INTS4: variants seen among roughly 807,000 people sequenced by gnomAD.
INTS4 encodes MSTP093.
In INTS4, 70 loss-of-function variants were observed where a neutral mutation model predicts 119.5. That is an observed-to-expected ratio of 0.59 (90% CI 0.48 to 0.71). INTS4 has a LOEUF of 0.71. Ranked by LOEUF, INTS4 falls within the 30% of genes least tolerant of loss-of-function variation. The pLI, the probability that INTS4 is intolerant of heterozygous loss-of-function variation, is 0.00. For missense variants in INTS4, 867 were observed against 1,173.2 expected, an observed-to-expected ratio of 0.74 and a Z score of 3.81; for synonymous variants, 316 against 419.6, an observed-to-expected ratio of 0.75 and a Z score of 3.02.
Position 77,912,087 on chromosome 11 carries a change from C to T in INTS4, c.1923-4277G>A, listed in dbSNP as rs1311141810. Reference sequence around the variant, plus strand: ...TAATTTAAAACTAGATACGGCTAGGCGCGGTGGCTCACACCTGTAATCCTA... The same window carrying T: ...TAATTTAAAACTAGATACGGCTAGGTGCGGTGGCTCACACCTGTAATCCTA... On this transcript the variant is annotated intron_variant, in intron 15 of 22. Transcript: ENST00000534064. 3.3e-5 allele frequency among the ~76,000 whole-genome samples: 5 copies of T among 152,010 alleles called. No individual in the cohort carries two copies. The East Asian group carries it at 9.6e-4, about 29-fold the overall frequency.
chr11:77,910,911 C>G, intron 15 of INTS4: 1 of 882,922 alleles, frequency 1.1e-6, no homozygotes, highest in Non-Finnish European at 1.6e-6. Context: ...TAGAAAGCTG[C>G]CTCATTACTT....
chr11:77,903,762 C>T (rs946272141), intron 16 of INTS4, 142 bp from the exon 17 acceptor site: 1 of 650,352 alleles, frequency 1.5e-6, no homozygotes, highest in African/African-American at 1.8e-5. Flanking sequence ...ACCCAATAAG[C>T]TGTATCTATT....
At chr11:77,985,382 C>T (rs541537018) in intron 2 of INTS4, among the ~76,000 whole-genome samples, 19 of 152,196 alleles carry the variant, frequency 1.2e-4, no homozygotes, top group Non-Finnish European at 2.4e-4. Context: ...AATGTGATAG[C>T]CTGTCTCACA....
At chr11:77,946,416 C>G (rs1954048502) in intron 8 of INTS4, among the ~76,000 whole-genome samples, 1 of 152,182 alleles carries the variant, frequency 6.6e-6, no homozygotes. Context: ...CATCCAGTAT[C>G]TTACACACGA....
intron 2 of INTS4, among the ~76,000 whole-genome samples, chr11:77,986,116 G>A (rs537821314): frequency 2.3e-4 from 35 of 152,300 alleles, no homozygotes; most frequent in Non-Finnish European, 4.4e-4. Context: ...AGCATGGACT[G>A]GTTAAAGTGC....
intron 16 of INTS4, among the ~76,000 whole-genome samples, chr11:77,906,587 A>T (rs11820232): frequency 2.2e-3 from 332 of 152,350 alleles, no homozygotes; most frequent in African/African-American, 7.6e-3. Flanking sequence ...ATGTTCTACG[A>T]CTTGCCTATG....
At position 77,879,120 on chromosome 11, in the gene INTS4, G is replaced by A; in HGVS notation, c.2721C>T (p.Cys907=). 1.2e-6 allele frequency: 2 copies of A among 1,613,922 alleles called. No individual in the cohort carries two copies. The highest frequency in any genetic ancestry group is 1.7e-6 in the Non-Finnish European group (2 of 1,179,948). ...YLSHTAWTEA[C]QVEVRLLLAY... ...CCAGCAGCAGCCTCACTTCCACCTG[G>A]CATGCCTCTGAAAAAAAGATAAAAG... Residue 907 remains cysteine, a synonymous_variant, in exon 23 of 23, where the codon TGC becomes TGT. Transcript: ENST00000534064.
chr11:77,980,146 T>C (rs117872105), intron 3 of INTS4, among the ~76,000 whole-genome samples: 4 of 147,062 alleles, frequency 2.7e-5, no homozygotes, highest in Non-Finnish European at 6.0e-5. Flanking sequence ...CCTTTAACAC[T>C]CTTTTTTCCA....
intron 2 of INTS4, among the ~76,000 whole-genome samples, chr11:77,982,016 A>T (rs1856253809): frequency 6.6e-6 from 1 of 152,168 alleles, no homozygotes; most frequent in South Asian, 2.1e-4. Context: ...AGTCAGAGCA[A>T]CTTGCACCAA....
In INTS4 at chr11:77,918,982, A is replaced by G. The variant is rs1953273030; in HGVS notation, c.1765-4T>C. 6.2e-7 allele frequency: 1 copy of G among 1,613,908 alleles called. No individual in the cohort carries two copies. The highest frequency in any genetic ancestry group is 1.7e-5 in the Admixed American group (1 of 60,012). On this transcript the variant is annotated splice_polypyrimidine_tract_variant and splice_region_variant and intron_variant, in intron 14 of 22. Transcript: ENST00000534064. ...ACACCAGTTTTCTACCTGGTAACTA[A>G]GCAGAGTGGGATTACAGAGTCATTA...
At chr11:77,966,465 C>G (rs1855507797) in intron 4 of INTS4, among the ~76,000 whole-genome samples, 1 of 152,148 alleles carries the variant, frequency 6.6e-6, no homozygotes, top group African/African-American at 2.4e-5. Flanking sequence ...CCACTCAGTT[C>G]AAGTATGTGT....
chr11:77,894,310 C>G lies in INTS4; in HGVS notation c.2268G>C (p.Gln756His). Reference protein sequence around the residue: ...PLFGMCEKFLQEVDFFQRYFI... With the variant: ...PLFGMCEKFLHEVDFFQRYFI... ...CTTACCTCTGAAAAAAGTCTACTTC[C>G]TGTAAAAATTTTTCACACATCCCAA... The change falls in exon 19 of 23, where the codon CAG becomes CAC. Residue 756 changes from glutamine to histidine, a missense_variant. Around this residue, in one of 5 missense-constraint regions of INTS4, gnomAD observed 262 missense variants for 376.0 expected, o/e 0.70. Transcript: ENST00000534064. The G allele has an allele frequency of 6.4e-7, 1 of 1,558,276 alleles. No homozygotes were observed. The highest frequency in any genetic ancestry group is 8.8e-7 in the Non-Finnish European group (1 of 1,136,548).
downstream of INTS4, chr11:77,877,191 G>C (rs944885116): frequency 1.2e-5 from 7 of 572,006 alleles, no homozygotes; most frequent in African/African-American, 1.3e-4. Flanking sequence ...ACCTAGGACA[G>C]GTTACTTATT....
In INTS4 at chr11:77,981,155, A is replaced by C. The variant is rs146476573; in HGVS notation, c.364+304T>G. Among the ~76,000 whole-genome samples the C allele has an allele frequency of 1.3e-3, 195 of 147,538 alleles. 1 individual carries two copies. Among genetic ancestry groups the C allele is most frequent in the African/African-American group, 3.3e-3 (130 of 39,788 alleles). ...AGCCTGGAGTCAGGCTGCTCAATAT[A>C]TCAAGGCCCTGCCTCAAAACAAAAA... is the stretch of plus-strand genomic sequence containing the variant. On this transcript the variant is annotated intron_variant, in intron 3 of 22. Transcript: ENST00000534064.
intron 11 of INTS4, among the ~76,000 whole-genome samples, chr11:77,925,747 A>T (rs1306675111): frequency 6.6e-6 from 1 of 152,218 alleles, no homozygotes; most frequent in East Asian, 1.9e-4. Flanking sequence ...ACTTCATCTC[A>T]TGCCACATTT....
intron 2 of INTS4, among the ~76,000 whole-genome samples, chr11:77,983,938 CA>C (rs1856348922): frequency 6.6e-6 from 1 of 152,084 alleles, no homozygotes; most frequent in South Asian, 2.1e-4. Context: ...CAAATATGTT[CA>C]TAGCAGCATT....
chr11:77,993,934 A>C (rs1856797366), intron 1 of INTS4, among the ~76,000 whole-genome samples: 1 of 152,060 alleles, frequency 6.6e-6, no homozygotes, highest in South Asian at 2.1e-4. Context: ...AACCCTAGCA[A>C]CATCTACGTG....
intron 8 of INTS4, among the ~76,000 whole-genome samples, chr11:77,941,881 GTAAATACTA>G (rs1342829541): frequency 2.6e-5 from 4 of 152,024 alleles, no homozygotes; most frequent in Non-Finnish European, 5.9e-5. Context: ...ACCCTGAGAA[GTAAATACTA>G]TATTAGTCCC....
chr11:77,955,935 A>C lies in INTS4; in HGVS notation c.918+7T>G, dbSNP rs1954310100. ...GCATACATACATACATAAAAAGTAT[A>C]ACTTACCAACAGTTTTGCTGCCTGA... On this transcript the variant is annotated splice_region_variant and intron_variant, in intron 8 of 22. Coordinates refer to ENST00000534064, the MANE Select transcript of INTS4 (RefSeq NM_033547.4). 1.3e-6 allele frequency: 2 copies of C among 1,599,622 alleles called. No individual in the cohort carries two copies. Among genetic ancestry groups the C allele is most frequent in the Non-Finnish European group, 1.7e-6 (2 of 1,172,630 alleles).
Sources: gnomAD v4.1 joint callset for allele counts (sites outside exome capture counted in the v4.1 genomes callset) on GRCh38, gnomAD v4.1.1 for gene constraint, gnomAD v4.1.1 regional missense constraint, MANE v1.5 for transcripts, NCBI Gene and HGNC (gene_info 2026-07-23, HGNC 2026-07-21) for gene names.